BSPRY: variants seen among roughly 807,000 people sequenced by gnomAD.
The protein encoded by BSPRY is B box and SPRY domain-containing protein.
BSPRY carries 33 observed loss-of-function variants against 38.0 expected under a neutral mutation model. The observed-to-expected ratio is 0.87, with a 90% CI of 0.66 to 1.16. BSPRY has a LOEUF of 1.16. Among genes scored for constraint, BSPRY ranks in the 50% most tolerant of loss-of-function variants. The pLI, the probability that BSPRY is intolerant of heterozygous loss-of-function variation, is 0.00. For synonymous variants in BSPRY, 224 were observed against 228.5 expected (o/e 0.98, Z 0.18); for missense variants, 523 against 533.2 (o/e 0.98, Z 0.19).
intron 5 of BSPRY, among the ~76,000 whole-genome samples, 178 bp from the exon 6 acceptor site, chr9:113,369,438 G>A (rs537966779): frequency 6.6e-6 from 1 of 152,110 alleles, no homozygotes; most frequent in South Asian, 2.1e-4. Flanking sequence ...TTTAATTCTC[G>A]TGATCACCCA....
chr9:113,355,617 C>CTT (rs34714277), intron 2 of BSPRY, among the ~76,000 whole-genome samples: 3 of 141,902 alleles, frequency 2.1e-5, no homozygotes. Context: ...CAAATCCTGG[C>CTT]TTTTTTTTTT....
chr9:113,370,961 C>T lies in BSPRY; in HGVS notation c.*819C>T, dbSNP rs753113372. 2 of 152,226 alleles carry T rather than the reference C, an allele frequency of 1.3e-5. No individual in the cohort carries two copies. Among genetic ancestry groups the T allele is most frequent in the African/African-American group, 2.4e-5 (1 of 41,462 alleles). 9.4% of individuals were successfully genotyped at this position (152,226 alleles called of 1,614,324 possible). ...CGGGGGACCGTGTCCTCCCCCATGT[C>T]CTGCCTAGGCCCTCAGAGGACCAGG... On this transcript the variant is annotated 3_prime_UTR_variant, in exon 6 of 6. Transcript: ENST00000374183. This position sits in a 1 kb window ranked among gnomAD's most constrained non-coding sequence, Gnocchi z 4.8.
chr9:113,370,042 C>T lies in BSPRY; in HGVS notation c.1109C>T (p.Pro370Leu), dbSNP rs1487700043. Residue 370 changes from proline (P) to leucine (L), a missense_variant, in exon 6 of 6, where the codon CCA becomes CTA. Pro to Leu is a moderately conservative substitution (Grantham distance 98). Coordinates refer to ENST00000374183, the MANE Select transcript of BSPRY (RefSeq NM_017688.3). This position sits in a 1 kb window ranked among gnomAD's most constrained non-coding sequence, Gnocchi z 4.8. ...LQVQELLFYE[P>L]ASGTVLCAHH... ...GTTCAGGAGCTGCTCTTCTATGAGC[C>T]AGCCTCCGGCACAGTGCTCTGTGCC... 1.2e-6 allele frequency: 2 copies of T among 1,614,034 alleles called. No individual in the cohort carries two copies. The highest frequency in any genetic ancestry group is 1.7e-6 in the Non-Finnish European group (2 of 1,180,032).
chr9:113,354,171 A>G, intron 1 of BSPRY, 69 bp from the exon 2 acceptor site: 1 of 1,336,108 alleles, frequency 7.5e-7, no homozygotes, highest in Non-Finnish European at 1.1e-6. Context: ...AACAGGAGAA[A>G]ATCACTGGGA....
At chr9:113,368,953 T>G (rs1834295460) in intron 5 of BSPRY, among the ~76,000 whole-genome samples, 1 of 152,144 alleles carries the variant, frequency 6.6e-6, no homozygotes. Flanking sequence ...ATGGTAGTCT[T>G]TCACAATTCG....
At chr9:113,368,988 A>AT (rs35471203) in intron 5 of BSPRY, among the ~76,000 whole-genome samples, 15,134 of 145,792 alleles carry the variant, frequency 0.1, 892 homozygotes, top group African/African-American at 0.17. Context: ...TAATAGACTG[A>AT]TTTTTTTTTT....
chr9:113,370,176 C>T lies in BSPRY; in HGVS notation c.*34C>T. 2 of 1,521,744 alleles carry T rather than the reference C, an allele frequency of 1.3e-6. No individual in the cohort carries two copies. 94.3% of individuals were successfully genotyped at this position (1,521,744 alleles called of 1,614,324 possible). On this transcript the variant is annotated 3_prime_UTR_variant, in exon 6 of 6. Coordinates refer to ENST00000374183, the MANE Select transcript of BSPRY (RefSeq NM_017688.3). The surrounding 1 kb of genome is among the most constrained non-coding windows in gnomAD (Gnocchi z 4.8). The stretch of plus-strand genomic sequence containing the variant: ...CACAGGAAGCCAGGTCCACCGCCCA[C>T]CACCCTTTCAGGCCATGTTTCTACT...
rs1480454548 is a variant in BSPRY, at chr9:113,369,851, C to T, written c.918C>T (p.His306=). The T allele has an allele frequency of 1.9e-6, 3 of 1,614,246 alleles. No homozygotes were observed. Among genetic ancestry groups the T allele is most frequent in the Middle Eastern group, 1.7e-4 (1 of 6,060 alleles). Residue 306 remains histidine (H), a synonymous_variant, in exon 6 of 6, where the codon CAC becomes CAT. Coordinates refer to ENST00000374183, the MANE Select transcript of BSPRY (RefSeq NM_017688.3). ...CAYKVGVASG[H]LPRKGSGSDC... ...ATAAGGTGGGCGTGGCTTCAGGCCACCTGCCCCGCAAGGGTTCTGGCAGTG... is the reference window on the plus strand; with the variant it reads ...ATAAGGTGGGCGTGGCTTCAGGCCATCTGCCCCGCAAGGGTTCTGGCAGTG...
chr9:113,361,875 A>G (rs1296382367), intron 3 of BSPRY, among the ~76,000 whole-genome samples: 1 of 152,176 alleles, frequency 6.6e-6, no homozygotes, highest in African/African-American at 2.4e-5. Context: ...TCACAAGCAG[A>G]GGAAAGAGAA....
In BSPRY at chr9:113,359,635, G is replaced by A. The variant is rs1011461963; in HGVS notation, c.301-872G>A. On this transcript the variant is annotated intron_variant, in intron 2 of 5. Transcript: ENST00000374183. ...GATTGGTTGCCAGGTGGCATCTGGTGTAGGGGAATGGGACTGGACTGAGAG... is the reference window on the plus strand; with the variant it reads ...GATTGGTTGCCAGGTGGCATCTGGTATAGGGGAATGGGACTGGACTGAGAG... 2.6e-5 allele frequency among the ~76,000 whole-genome samples: 4 copies of A among 152,316 alleles called. No individual in the cohort carries two copies. In the Middle Eastern group the frequency reaches 0.01, roughly 389 times the overall value.
At chr9:113,355,226 CA>C (rs1254165778) in intron 2 of BSPRY, among the ~76,000 whole-genome samples, 5 of 152,238 alleles carry the variant, frequency 3.3e-5, no homozygotes, top group Non-Finnish European at 4.4e-5. Context: ...GTATGCCTAT[CA>C]GGGGCAGAGC....
rs189899353 is a variant in BSPRY, at chr9:113,356,639, A to G, written c.300+2301A>G. ...AACAAGTGTGGTCTGGACCCAAGCAATGGTGGCAAAGCTAGTGAGAAGTGG... is the reference window on the plus strand; with the variant it reads ...AACAAGTGTGGTCTGGACCCAAGCAGTGGTGGCAAAGCTAGTGAGAAGTGG... On this transcript the variant is annotated intron_variant, in intron 2 of 5. Transcript: ENST00000374183. Among the ~76,000 whole-genome samples the G allele has an allele frequency of 2.0e-5, 3 of 152,336 alleles. No homozygotes were observed. The East Asian group carries it at 5.8e-4, about 29-fold the overall frequency.
In BSPRY at chr9:113,349,595, GCGGAGC is replaced by G. The variant is rs1379447877; in HGVS notation, c.20_25del (p.Glu7_Pro8del). 9.3e-6 allele frequency: 11 copies of G among 1,179,750 alleles called. No individual in the cohort carries two copies. The highest frequency in any genetic ancestry group is 9.4e-6 in the Non-Finnish European group (9 of 955,162). 73.1% of individuals were successfully genotyped at this position (1,179,750 alleles called of 1,614,324 possible). ...GCGCACGGCCATGTCCGCCGAGGGC[GCGGAGC>G]CGGGGCCGGGGTCCGGGTCCGGGCC... On this transcript the variant is annotated inframe_deletion, in exon 1 of 6. Transcript: ENST00000374183.
intron 1 of BSPRY, among the ~76,000 whole-genome samples, chr9:113,351,474 G>T (rs1833970102): frequency 6.6e-6 from 1 of 152,212 alleles, no homozygotes; most frequent in Non-Finnish European, 1.5e-5. Flanking sequence ...AGTCCATGGT[G>T]CATGGTGATC....
chr9:113,370,168 A>G lies in BSPRY; in HGVS notation c.*26A>G, dbSNP rs768952216. 3.3e-6 allele frequency: 5 copies of G among 1,523,268 alleles called. No homozygotes were observed. Among genetic ancestry groups the G allele is most frequent in the South Asian group, 1.3e-5 (1 of 76,388 alleles). 94.4% of individuals were successfully genotyped at this position (1,523,268 alleles called of 1,614,324 possible). A position where few individuals can be genotyped will look rare whatever the true frequency, so the allele number is the denominator to read the frequency against. On this transcript the variant is annotated 3_prime_UTR_variant, in exon 6 of 6. Transcript: ENST00000374183. The surrounding 1 kb of genome is among the most constrained non-coding windows in gnomAD (Gnocchi z 4.8). ...CCTCTGGCCACAGGAAGCCAGGTCC[A>G]CCGCCCACCACCCTTTCAGGCCATG... is the stretch of plus-strand genomic sequence containing the variant.
chr9:113,369,464 T>G lies in BSPRY; in HGVS notation c.683-152T>G, dbSNP rs1446362740. ...TGATCACCCAGTGAGAAGTCCTATT[T>G]TGACCCCCGTTTTGCAGACAAGGCT... On this transcript the variant is annotated intron_variant, in intron 5 of 5. Transcript: ENST00000374183. 8.0e-6 allele frequency: 6 copies of G among 752,310 alleles called. No individual in the cohort carries two copies. In the African/African-American group the frequency reaches 1.0e-4, roughly 13 times the overall value. The allele number at this position is 752,310 out of a possible 1,614,324, so 46.6% of individuals were successfully genotyped here. A position where few individuals can be genotyped will look rare whatever the true frequency, so the allele number is the denominator to read the frequency against.
intron 2 of BSPRY, among the ~76,000 whole-genome samples, chr9:113,357,169 C>G (rs182119363): frequency 7.2e-5 from 11 of 152,226 alleles, no homozygotes; most frequent in African/African-American, 2.6e-4. Context: ...GCTAATGAAA[C>G]GGAAGTAAAC....
chr9:113,359,626 G>A (rs1277330063), intron 2 of BSPRY, among the ~76,000 whole-genome samples: 1 of 152,206 alleles, frequency 6.6e-6, no homozygotes, highest in African/African-American at 2.4e-5. Flanking sequence ...TTGCCAGGTG[G>A]CATCTGGTGT....
At chr9:113,358,785 T>C (rs1834103657) in intron 2 of BSPRY, among the ~76,000 whole-genome samples, 1 of 152,198 alleles carries the variant, frequency 6.6e-6, no homozygotes, top group Non-Finnish European at 1.5e-5. Context: ...TGGGTGAGGA[T>C]CTGTTTTGAT....
Sources: gnomAD v4.1 joint callset for allele counts (sites outside exome capture counted in the v4.1 genomes callset) on GRCh38, gnomAD v4.1.1 for gene constraint, Gnocchi (gnomAD v3.1) non-coding constraint, MANE v1.5 for transcripts, NCBI Gene and HGNC (gene_info 2026-07-23, HGNC 2026-07-21) for gene names.